Variants in GRID2 observed in about 807,000 individuals in gnomAD.
GRID2 encodes the protein glutamate receptor ionotropic, delta-2.
Under a neutral mutation model 114.8 loss-of-function variants are expected in GRID2, and 33 were observed. That is an observed-to-expected ratio of 0.29 (90% CI 0.22 to 0.38). The LOEUF (loss-of-function observed/expected upper bound fraction) is 0.38. GRID2 is among the 10% of genes least tolerant of loss of function. The pLI is 1.00. For synonymous variants in GRID2, 505 were observed against 449.9 expected, an observed-to-expected ratio of 1.12 and a Z score of -1.55; for missense variants, 1,184 against 1,257.7, an observed-to-expected ratio of 0.94 and a Z score of 0.89.
chr4:92,527,655 A>C (rs920424590), intron 1 of GRID2, among the ~76,000 whole-genome samples: 1 of 152,086 alleles, frequency 6.6e-6, no homozygotes, highest in Non-Finnish European at 1.5e-5. Context: ...GTAATAAGAC[A>C]GAAAAAATTC....
chr4:92,647,483 GT>G (rs1249018481), intron 2 of GRID2, among the ~76,000 whole-genome samples: 2 of 149,412 alleles, frequency 1.3e-5, no homozygotes, highest in Middle Eastern at 3.4e-3. Flanking sequence ...TTGAATTATG[GT>G]TTTTTTGTTT....
intron 2 of GRID2, among the ~76,000 whole-genome samples, chr4:92,599,523 A>T (rs1281268343): frequency 6.6e-6 from 1 of 152,154 alleles, no homozygotes; most frequent in East Asian, 1.9e-4. Context: ...TTAAAAACTC[A>T]GTCATTTGCT....
chr4:93,181,178 A>G (rs1739860232), intron 4 of GRID2, among the ~76,000 whole-genome samples: 1 of 152,148 alleles, frequency 6.6e-6, no homozygotes, highest in East Asian at 1.9e-4. Flanking sequence ...CGGGCATGAA[A>G]ACAACATTAA....
At chr4:92,375,372 T>G (rs1035623928) in intron 1 of GRID2, among the ~76,000 whole-genome samples, 1 of 152,196 alleles carries the variant, frequency 6.6e-6, no homozygotes, top group Admixed American at 6.5e-5. Flanking sequence ...TTGTTGCTAT[T>G]ATTCATTGCA....
At chr4:93,055,298 T>C (rs1727119104) in intron 2 of GRID2, among the ~76,000 whole-genome samples, 1 of 151,832 alleles carries the variant, frequency 6.6e-6, no homozygotes, top group Non-Finnish European at 1.5e-5. Flanking sequence ...AGTGATGAGG[T>C]TGCTAGGTTG....
intron 2 of GRID2, among the ~76,000 whole-genome samples, chr4:93,067,866 A>G (rs184313317): frequency 6.6e-5 from 10 of 152,114 alleles, no homozygotes; most frequent in Admixed American, 3.9e-4. Flanking sequence ...ATTAGTTCCA[A>G]TCATATTACA....
intron 1 of GRID2, among the ~76,000 whole-genome samples, chr4:92,583,578 T>C (rs1728278946): frequency 6.6e-6 from 1 of 151,840 alleles, no homozygotes; most frequent in South Asian, 2.1e-4. Context: ...AATAAGAGGC[T>C]GCTGAAACAT....
At chr4:92,983,493 T>G (rs144055426) in intron 2 of GRID2, among the ~76,000 whole-genome samples, 29 of 152,266 alleles carry the variant, frequency 1.9e-4, no homozygotes, top group Non-Finnish European at 3.8e-4. Flanking sequence ...AGTAATCTCA[T>G]GATGCATTTA....
chr4:93,623,919 A>G (rs1742445175), intron 13 of GRID2, among the ~76,000 whole-genome samples: 1 of 152,130 alleles, frequency 6.6e-6, no homozygotes, highest in Non-Finnish European at 1.5e-5. Context: ...TTTTATTTAG[A>G]ATTACATTTT....
At chr4:92,985,566 T>C (rs1037538995) in intron 2 of GRID2, among the ~76,000 whole-genome samples, 4 of 152,096 alleles carry the variant, frequency 2.6e-5, no homozygotes, top group African/African-American at 9.7e-5. Context: ...TGGTCTCCTT[T>C]ATCTCTAGTC....
intron 4 of GRID2, among the ~76,000 whole-genome samples, chr4:93,160,642 C>T (rs537550108): frequency 2.8e-4 from 42 of 151,868 alleles, no homozygotes; most frequent in African/African-American, 8.7e-4. Flanking sequence ...GATCCCATTC[C>T]GCTGTCTACA....
chr4:92,709,583 AAAAAAAAT>A (rs900834384), intron 2 of GRID2, among the ~76,000 whole-genome samples: 1 of 127,890 alleles, frequency 7.8e-6, no homozygotes, highest in African/African-American at 3.1e-5. Context: ...AAAAAAAAAA[AAAAAAAAT>A]ATATATATAT....
intron 7 of GRID2, 106 bp downstream of exon 7, chr4:93,224,881 C>G: frequency 1.3e-6 from 1 of 765,342 alleles, no homozygotes; most frequent in South Asian, 1.8e-5. Context: ...AAGCACAAAA[C>G]AGTGTAATGG....
At chr4:92,675,753 A>G (rs892130523) in intron 2 of GRID2, among the ~76,000 whole-genome samples, 2 of 151,818 alleles carry the variant, frequency 1.3e-5, no homozygotes, top group African/African-American at 4.8e-5. Context: ...ACAGGGTTTC[A>G]CCATGTTAGC....
intron 2 of GRID2, among the ~76,000 whole-genome samples, chr4:92,939,241 T>C (rs1191143274): frequency 1.4e-5 from 2 of 147,382 alleles, no homozygotes; most frequent in African/African-American, 4.9e-5. Flanking sequence ...TTCCTGACAT[T>C]TTAATGATTG....
intron 2 of GRID2, among the ~76,000 whole-genome samples, chr4:92,703,731 A>T (rs1734798253): frequency 6.6e-6 from 1 of 151,694 alleles, no homozygotes; most frequent in Admixed American, 6.6e-5. Flanking sequence ...ATTGATAGCT[A>T]TTGGTATTAA....
At chr4:93,729,670 C>T (rs948648974) in intron 14 of GRID2, among the ~76,000 whole-genome samples, 1 of 151,848 alleles carries the variant, frequency 6.6e-6, no homozygotes, top group Admixed American at 6.6e-5. Context: ...CTCAGCCTCC[C>T]GAGTAGCTAG....
chr4:93,704,941 T>C (rs1231285994), intron 14 of GRID2, among the ~76,000 whole-genome samples: 1 of 152,214 alleles, frequency 6.6e-6, no homozygotes, highest in African/African-American at 2.4e-5. Context: ...TTTGATATAC[T>C]GTTTTCCTCT....
chr4:93,138,141 T>A (rs546394964), intron 4 of GRID2, among the ~76,000 whole-genome samples: 1 of 151,674 alleles, frequency 6.6e-6, no homozygotes, highest in East Asian at 2.0e-4. Flanking sequence ...CCCTGCTAAG[T>A]TTTTTGTATT....
Sources: allele counts gnomAD v4.1 joint callset (sites outside exome capture counted in the v4.1 genomes callset), GRCh38; gene constraint gnomAD v4.1.1; transcripts MANE v1.5; gene names NCBI Gene and HGNC (gene_info 2026-07-23, HGNC 2026-07-21).